FXN: variants seen among roughly 807,000 people sequenced by gnomAD.
FXN encodes the protein frataxin, mitochondrial.
A neutral mutation model predicts 22.4 loss-of-function variants in FXN; 14 were observed. That is an observed-to-expected ratio of 0.62 (90% confidence interval 0.41 to 0.98). FXN has a LOEUF of 0.98. Ranked by LOEUF, FXN falls within the 50% of genes least tolerant of loss-of-function variation. The pLI is 0.00. For missense variants in FXN, 267 were observed against 268.4 expected (o/e 0.99, Z 0.04); for synonymous variants, 120 against 114.1 (o/e 1.05, Z -0.33).
Position 69,068,913 on chromosome 9 carries a change from C to T in FXN, c.483-3699C>T, listed in dbSNP as rs77510505. On this transcript the variant is annotated intron_variant, in intron 4 of 4. Coordinates refer to ENST00000484259, the MANE Select transcript of FXN (RefSeq NM_000144.5). ...GAAAAGCAGGCCTCCTGAACTTCCC[C>T]GAGTGACTGATGCAAAGTGCGTCCT... Among the ~76,000 whole-genome samples, 69 of 152,288 alleles carry T rather than the reference C, an allele frequency of 4.5e-4. No individual in the cohort carries two copies. The East Asian group carries it at 7.7e-3, about 17-fold the overall frequency.
chr9:69,065,020 T>C lies in FXN; in HGVS notation c.467T>C (p.Leu156Pro), dbSNP rs143340609. 68 of 1,613,362 alleles carry C rather than the reference T, an allele frequency of 4.2e-5. No individual in the cohort carries two copies. Among genetic ancestry groups the C allele is most frequent in the Non-Finnish European group, 2.5e-5 (29 of 1,179,394 alleles). Residue 156 changes from leucine to proline, a missense_variant, in exon 4 of 5, where the codon CTA becomes CCA. Leu to Pro is a moderately conservative substitution (Grantham distance 98, BLOSUM62 -3). Transcript: ENST00000484259. ...NKQTPNKQIWLSSPSSGPKRY... is the reference protein window; with the variant it reads ...NKQTPNKQIWPSSPSSGPKRY... ...CAGACGCCAAACAAGCAAATCTGGC[T>C]ATCTTCTCCATCCAGGTATGTAGGT...
At chr9:69,041,818 G>T (rs1290314944) in intron 1 of FXN, among the ~76,000 whole-genome samples, 2 of 152,218 alleles carry the variant, frequency 1.3e-5, no homozygotes, top group Non-Finnish European at 2.9e-5. Context: ...CATCCCATGA[G>T]CAGGCACTGT....
rs1554763141 is a variant in FXN, at chr9:69,075,740, C to G, written c.*2978C>G. On this transcript the variant is annotated 3_prime_UTR_variant, in exon 5 of 5. Transcript: ENST00000484259. The stretch of plus-strand genomic sequence containing the variant: ...CTTAGAAAACTTTTTTTTCCCCTTT[C>G]TATTTTTTGAGACAGGATCTCACTT... The G allele has an allele frequency of 1.0e-6, 1 of 977,076 alleles. No homozygotes were observed. The highest frequency in any genetic ancestry group is 1.2e-6 in the Non-Finnish European group (1 of 822,420). The allele number at this position is 977,076 out of a possible 1,614,324, so 60.5% of individuals were successfully genotyped here.
chr9:69,076,203 G>A lies in FXN; in HGVS notation c.*3441G>A, dbSNP rs1176918220. 4.1e-6 allele frequency: 4 copies of A among 970,030 alleles called. No individual in the cohort carries two copies. The highest frequency in any genetic ancestry group is 1.5e-4 in the Admixed American group (2 of 13,524). The allele number at this position is 970,030 out of a possible 1,614,324, so 60.1% of individuals were successfully genotyped here. On this transcript the variant is annotated 3_prime_UTR_variant, in exon 5 of 5. Coordinates refer to ENST00000484259, the MANE Select transcript of FXN (RefSeq NM_000144.5). ...TGCCTCTTACTTGTTTGTAGACACT[G>A]ACAGTGGCCTCATGTTTTTTTTTTT...
In FXN at chr9:69,076,384, G is replaced by A; in HGVS notation, c.*3622G>A. On this transcript the variant is annotated 3_prime_UTR_variant, in exon 5 of 5. Transcript: ENST00000484259. ...ATTGGAGGACTTCTCCCAAAATATG[G>A]ATGACGTTCCCTACTCAACCTTGAA... 2 of 985,346 alleles carry A rather than the reference G, an allele frequency of 2.0e-6. No homozygotes were observed. The highest frequency in any genetic ancestry group is 2.4e-6 in the Non-Finnish European group (2 of 829,894). 61.0% of individuals were successfully genotyped at this position (985,346 alleles called of 1,614,324 possible).
intron 2 of FXN, among the ~76,000 whole-genome samples, chr9:69,048,460 C>G (rs1831797859): frequency 6.6e-6 from 1 of 152,020 alleles, no homozygotes; most frequent in Admixed American, 6.6e-5. Flanking sequence ...AAAAAGTTAG[C>G]CAGGCGTGGT....
At chr9:69,037,284 A>AAAAGAAGAAGAAG (rs544093183) in intron 1 of FXN, among the ~76,000 whole-genome samples, 13 of 78,052 alleles carry the variant, frequency 1.7e-4, no homozygotes, top group Non-Finnish European at 2.0e-4. Flanking sequence ...AAAAAAAAAA[A>AAAAGAAGAAGAAG]AAGAAGAAGA....
At chr9:69,052,453 G>A (rs974191898) in intron 2 of FXN, among the ~76,000 whole-genome samples, 1 of 151,970 alleles carries the variant, frequency 6.6e-6, no homozygotes, top group Non-Finnish European at 1.5e-5. Context: ...TGCACTGCCT[G>A]GCCCAGAAAG....
chr9:69,077,881 G>A lies in FXN; in HGVS notation c.*5119G>A. 2.2e-6 allele frequency: 2 copies of A among 897,256 alleles called. No homozygotes were observed. Among genetic ancestry groups the A allele is most frequent in the Non-Finnish European group, 2.7e-6 (2 of 750,176 alleles). The allele number at this position is 897,256 out of a possible 1,614,324, so 55.6% of individuals were successfully genotyped here. A position where few individuals can be genotyped will look rare whatever the true frequency, so the allele number is the denominator to read the frequency against. ...GGTGGTGGAGGTTGCAGTGAGCCGA[G>A]ATTACACCACTGCACTCCAGCCTGG... On this transcript the variant is annotated 3_prime_UTR_variant, in exon 5 of 5. Transcript: ENST00000484259.
chr9:69,060,429 T>A (rs1383478133), intron 3 of FXN, among the ~76,000 whole-genome samples: 1 of 151,654 alleles, frequency 6.6e-6, no homozygotes, highest in East Asian at 1.9e-4. Context: ...GGCTAGTGCC[T>A]GCATCTCAGA....
intron 4 of FXN, among the ~76,000 whole-genome samples, chr9:69,068,093 C>T (rs1290944165): frequency 6.6e-6 from 1 of 152,136 alleles, no homozygotes; most frequent in Admixed American, 6.5e-5. Context: ...TTCCCTGCAG[C>T]AGAAGGAAGC....
Position 69,074,194 on chromosome 9 carries a change from T to C in FXN, c.*1432T>C, listed in dbSNP as rs918774627. The C allele has an allele frequency of 8.3e-6, 7 of 845,138 alleles. No individual in the cohort carries two copies. Among genetic ancestry groups the C allele is most frequent in the Middle Eastern group, 6.0e-4 (1 of 1,658 alleles). 52.4% of individuals were successfully genotyped at this position (845,138 alleles called of 1,614,324 possible). Reference sequence around the variant, plus strand: ...GCAAAACTCTGTCTCAAAATAATAATAACAATATAATAATAATAATAGCCA... The same window carrying C: ...GCAAAACTCTGTCTCAAAATAATAACAACAATATAATAATAATAATAGCCA... On this transcript the variant is annotated 3_prime_UTR_variant, in exon 5 of 5. Coordinates refer to ENST00000484259, the MANE Select transcript of FXN (RefSeq NM_000144.5).
chr9:69,056,399 C>T (rs2133115257), intron 3 of FXN, among the ~76,000 whole-genome samples: 1 of 152,316 alleles, frequency 6.6e-6, no homozygotes, highest in South Asian at 2.1e-4. Flanking sequence ...AATATGCACA[C>T]ATGTGGAGTA....
intron 3 of FXN, among the ~76,000 whole-genome samples, chr9:69,060,185 G>T (rs367940220): frequency 1.5e-3 from 223 of 152,160 alleles, no homozygotes; most frequent in Non-Finnish European, 2.5e-3. Flanking sequence ...TGGCTAACAC[G>T]GTGAAACCCC....
At chr9:69,044,655 C>T (rs112577409) in intron 1 of FXN, among the ~76,000 whole-genome samples, 2,440 of 152,268 alleles carry the variant, frequency 0.016, 64 homozygotes, top group African/African-American at 0.055. Context: ...AGACCCAGGG[C>T]GCCCCCTCCT....
At chr9:69,038,007 G>A (rs1022204202) in intron 1 of FXN, among the ~76,000 whole-genome samples, 2 of 152,196 alleles carry the variant, frequency 1.3e-5, no homozygotes, top group Non-Finnish European at 2.9e-5. Flanking sequence ...TTTTTTAGAT[G>A]GTACCTGGTG....
At chr9:69,071,252 C>A in intron 4 of FXN, 1 of 518,946 alleles carries the variant, frequency 1.9e-6, no homozygotes, top group South Asian at 1.4e-5. Context: ...TTCCTGTGAC[C>A]CTGATGGTTT....
At chr9:69,042,952 A>G (rs1368954742) in intron 1 of FXN, among the ~76,000 whole-genome samples, 1 of 152,214 alleles carries the variant, frequency 6.6e-6, no homozygotes, top group Non-Finnish European at 1.5e-5. Context: ...CTGTGTAGGC[A>G]AGTTACCCTT....
intron 2 of FXN, among the ~76,000 whole-genome samples, chr9:69,051,134 G>A (rs373864593): frequency 6.6e-5 from 10 of 152,234 alleles, no homozygotes; most frequent in African/African-American, 2.4e-4. Flanking sequence ...GTTTCACTTT[G>A]TCACCCAGGA....
Sources: gnomAD v4.1 joint callset for allele counts (sites outside exome capture counted in the v4.1 genomes callset) on GRCh38, gnomAD v4.1.1 for gene constraint, MANE v1.5 for transcripts, NCBI Gene and HGNC (gene_info 2026-07-23, HGNC 2026-07-21) for gene names.